The following STPG2 variants were observed in gnomAD, a reference collection of about 807,000 sequenced individuals.
The protein encoded by STPG2 is sperm tail PG-rich repeat containing 2, also known as sperm-tail PG-rich repeat-containing protein 2.
A neutral mutation model predicts 54.2 loss-of-function variants in STPG2; 56 were observed. That is an observed-to-expected ratio of 1.03 (90% CI 0.83 to 1.29). The LOEUF (loss-of-function observed/expected upper bound fraction) is 1.29, where lower values mean the gene tolerates loss of function less well. Ranked by LOEUF, STPG2 falls within the 50% of genes most tolerant of loss-of-function variation. The probability of loss-of-function intolerance (pLI) is 0.00; values close to 1 mark genes in which losing one functional copy is unlikely to be tolerated. For missense variants in STPG2, 596 were observed against 544.9 expected (o/e 1.09, Z -0.93); for synonymous variants, 200 against 181.8 (o/e 1.10, Z -0.81).
intron 9 of STPG2, among the ~76,000 whole-genome samples, chr4:97,779,348 T>G (rs1047976174): frequency 1.3e-5 from 2 of 151,938 alleles, no homozygotes; most frequent in East Asian, 3.9e-4. Flanking sequence ...GAAGATCAAA[T>G]GAATGAAATG....
chr4:97,937,767 G>T (rs1257320311), intron 8 of STPG2, among the ~76,000 whole-genome samples: 1 of 152,144 alleles, frequency 6.6e-6, no homozygotes, highest in East Asian at 1.9e-4. Flanking sequence ...TTTCCTCTGG[G>T]ATCTCTGACC....
rs1738086525 is a variant in STPG2, at chr4:98,074,164, TA to T, written c.612+31788del. The stretch of plus-strand genomic sequence containing the variant: ...TACTTTATTAAAATGTAATTCATGA[TA>T]AAGAAACATCCTTACTTCACCTTCA... On this transcript the variant is annotated intron_variant, in intron 5 of 10. Coordinates refer to ENST00000295268, the MANE Select transcript of STPG2 (RefSeq NM_174952.3). Among the ~76,000 whole-genome samples, 4 of 152,360 alleles carry T rather than the reference TA, an allele frequency of 2.6e-5. No individual in the cohort carries two copies. The South Asian group carries it at 8.3e-4, about 32-fold the overall frequency.
intron 8 of STPG2, among the ~76,000 whole-genome samples, chr4:97,924,060 C>G (rs899610672): frequency 6.6e-6 from 1 of 152,184 alleles, no homozygotes. Context: ...CTTGCTACTG[C>G]TCACTCTTTG....
intron 5 of STPG2, among the ~76,000 whole-genome samples, chr4:97,982,412 A>ACAC (rs1560622006): frequency 6.6e-6 from 1 of 151,282 alleles, no homozygotes; most frequent in African/African-American, 2.4e-5. Context: ...ACACACACAC[A>ACAC]GATTTTGAAA....
intron 7 of STPG2, 125 bp from the exon 8 acceptor site, chr4:97,944,132 A>G (rs1327237374): frequency 4.9e-6 from 3 of 617,892 alleles, no homozygotes; most frequent in Non-Finnish European, 8.3e-6. Context: ...ACACATATTC[A>G]TAAACAAATA....
intron 10 of STPG2, among the ~76,000 whole-genome samples, chr4:97,648,143 G>A (rs1052513312): frequency 6.6e-6 from 1 of 152,102 alleles, no homozygotes; most frequent in African/African-American, 2.4e-5. Context: ...AGGCCCTGGA[G>A]TAAAGTGAGC....
At chr4:97,602,950 G>A (rs1733502208) in intron 10 of STPG2, among the ~76,000 whole-genome samples, 1 of 151,522 alleles carries the variant, frequency 6.6e-6, no homozygotes, top group Non-Finnish European at 1.5e-5. Context: ...TACATTTCTG[G>A]CTGGTTTATC....
At position 97,584,734 on chromosome 4, in the gene STPG2, C is replaced by T. The variant is rs924446123; in HGVS notation, c.1321-25617G>A. On this transcript the variant is annotated intron_variant, in intron 10 of 10. Coordinates refer to ENST00000295268, the MANE Select transcript of STPG2 (RefSeq NM_174952.3). The stretch of plus-strand genomic sequence containing the variant: ...CAGAAATACAAAAGATCATTCAAGG[C>T]TACTATGAAGACCTCAAGTAAATCT... 5.9e-5 allele frequency among the ~76,000 whole-genome samples: 9 copies of T among 151,804 alleles called. No homozygotes were observed. The South Asian group carries it at 1.9e-3, about 32-fold the overall frequency.
chr4:98,139,203 G>A (rs1020756986), intron 1 of STPG2, among the ~76,000 whole-genome samples: 5 of 152,110 alleles, frequency 3.3e-5, no homozygotes, highest in African/African-American at 1.2e-4. Context: ...GATTCTCCCT[G>A]ATCAAATGGC....
chr4:97,863,798 A>G (rs1388090728), intron 8 of STPG2, among the ~76,000 whole-genome samples: 1 of 152,150 alleles, frequency 6.6e-6, no homozygotes. Flanking sequence ...TTCAACATAC[A>G]CAAATCAATA....
chr4:97,934,054 T>C (rs1732654185), intron 8 of STPG2, among the ~76,000 whole-genome samples: 1 of 152,222 alleles, frequency 6.6e-6, no homozygotes. Context: ...CAGTGGTTTG[T>C]AGTTCTCCTA....
At chr4:97,938,530 C>T (rs574893779) in intron 8 of STPG2, among the ~76,000 whole-genome samples, 1 of 152,038 alleles carries the variant, frequency 6.6e-6, no homozygotes, top group African/African-American at 2.4e-5. Context: ...TAGCCAGATT[C>T]CAGCCAATTG....
intron 9 of STPG2, among the ~76,000 whole-genome samples, chr4:97,720,069 G>A (rs905465701): frequency 4.6e-5 from 7 of 151,830 alleles, no homozygotes; most frequent in Non-Finnish European, 7.4e-5. Context: ...GACCAAATTG[G>A]CAAACTTACT....
intron 4 of STPG2, among the ~76,000 whole-genome samples, chr4:97,510,094 G>A (rs748147946): frequency 4.6e-5 from 7 of 151,970 alleles, no homozygotes; most frequent in African/African-American, 1.2e-4. Context: ...TGTAGAAGGC[G>A]AAGTCTACAT....
intron 5 of STPG2, among the ~76,000 whole-genome samples, chr4:98,070,832 C>G (rs929298268): frequency 6.6e-6 from 1 of 152,010 alleles, no homozygotes; most frequent in Non-Finnish European, 1.5e-5. Context: ...TCAAGGAGAA[C>G]TACAAACCAC....
chr4:97,516,519 A>C (rs372051615), intron 4 of STPG2, among the ~76,000 whole-genome samples: 4 of 152,138 alleles, frequency 2.6e-5, no homozygotes, highest in South Asian at 4.1e-4. Context: ...ACTTATAAGA[A>C]ATTATTTTTA....
chr4:97,787,950 T>G (rs987027119), intron 9 of STPG2, among the ~76,000 whole-genome samples: 21 of 151,806 alleles, frequency 1.4e-4, no homozygotes, highest in Admixed American at 7.2e-4. Flanking sequence ...TTTTTCTGGG[T>G]ACATAGTAGG....
At chr4:97,909,072 C>A (rs1044621856) in intron 8 of STPG2, among the ~76,000 whole-genome samples, 2 of 149,012 alleles carry the variant, frequency 1.3e-5, no homozygotes, top group African/African-American at 4.9e-5. Context: ...AATAAACAAC[C>A]CATCAAGCCC....
At chr4:97,473,966 G>GT (rs34155643) in intron 4 of STPG2, among the ~76,000 whole-genome samples, 2,970 of 151,204 alleles carry the variant, frequency 0.02, 45 homozygotes, top group African/African-American at 0.05. Flanking sequence ...AGAATAGAGG[G>GT]TTTTTTTTTG....
Sources: allele counts gnomAD v4.1 joint callset (sites outside exome capture counted in the v4.1 genomes callset), GRCh38; gene constraint gnomAD v4.1.1; transcripts MANE v1.5; gene names NCBI Gene and HGNC (gene_info 2026-07-23, HGNC 2026-07-21).